Variants in PRKCSH observed in about 807,000 individuals in gnomAD.
PRKCSH encodes the protein glucosidase 2 subunit beta.
A neutral mutation model predicts 79.7 loss-of-function variants in PRKCSH; 42 were observed. The ratio of observed to expected loss-of-function variants is 0.53; its 90% CI spans 0.41 to 0.68. The LOEUF (loss-of-function observed/expected upper bound fraction) is 0.68, where lower values mean the gene tolerates loss of function less well. Among genes scored for constraint, PRKCSH ranks in the 30% least tolerant of loss-of-function variants. The pLI, the probability that PRKCSH is intolerant of heterozygous loss-of-function variation, is 0.00. For missense variants in PRKCSH, 686 were observed against 709.0 expected (o/e 0.97, Z 0.37); for synonymous variants, 325 against 288.2 (o/e 1.13, Z -1.29).
rs756917757 is a variant in PRKCSH, at chr19:11,448,248, G to A, written c.1153G>A (p.Glu385Lys). 1.6e-5 allele frequency: 25 copies of A among 1,565,942 alleles called. No homozygotes were observed. The highest frequency in any genetic ancestry group is 1.9e-5 in the Non-Finnish European group (22 of 1,154,998). ...DAAQEARNKF[E>K]EAERSLKDME... ...TGCCCAGGAGGCCCGCAACAAGTTCGAGGAGGCCGAGCGGTCGCTGAAGGA... is the reference window on the plus strand; with the variant it reads ...TGCCCAGGAGGCCCGCAACAAGTTCAAGGAGGCCGAGCGGTCGCTGAAGGA... Residue 385 changes from glutamate to lysine, a missense_variant, in exon 13 of 18, where the codon GAG becomes AAG. Around this residue, in one of 2 missense-constraint regions of PRKCSH, gnomAD observed 549 missense variants for 520.2 expected, o/e 1.06. Coordinates refer to ENST00000677123, the MANE Select transcript of PRKCSH (RefSeq NM_001289104.2). This position sits in a 1 kb window ranked among gnomAD's most constrained non-coding sequence, Gnocchi z 4.4.
chr19:11,441,241 G>T lies in PRKCSH; in HGVS notation c.352G>T (p.Glu118Ter), dbSNP rs1328938713. ...TGCCTGTGTGTCTCCGCACCGCAGA[G>T]AGAAGGGCCGTAAGGAGAGAGAGTC... ...SGVICENTCK[E>*]KGRKERESLQ... Residue 118 changes from glutamate (E) to a stop codon, truncating the protein, a stop_gained and splice_region_variant, in exon 6 of 18, where the codon GAG (glutamate) becomes TAG (stop). Transcript: ENST00000677123. LOFTEE classifies it high-confidence loss of function. The T allele has an allele frequency of 1.2e-6, 2 of 1,614,036 alleles. No homozygotes were observed. The highest frequency in any genetic ancestry group is 2.2e-5 in the South Asian group (2 of 91,064).
chr19:11,447,899 A>G lies in PRKCSH; in HGVS notation c.1126+110A>G, dbSNP rs1409579491. ...TAGACCCTGCTCTGACTCGGCCAGC[A>G]CAAGCCCCAGTATCTTGGGGAGTCC... is the stretch of plus-strand genomic sequence containing the variant. On this transcript the variant is annotated intron_variant, in intron 12 of 17. Transcript: ENST00000677123. This position sits in a 1 kb window ranked among gnomAD's most constrained non-coding sequence, Gnocchi z 5.6. The G allele has an allele frequency of 1.6e-6, 2 of 1,284,326 alleles. No individual in the cohort carries two copies. Among genetic ancestry groups the G allele is most frequent in the Non-Finnish European group, 2.1e-6 (2 of 943,518 alleles). The allele number at this position is 1,284,326 out of a possible 1,614,324, so 79.6% of individuals were successfully genotyped here.
In PRKCSH at chr19:11,448,354, A is replaced by T; in HGVS notation, c.1196+63A>T. ...GCGACTGCTCCTTGACTCCCAGGGG[A>T]GCTGGTGATGGGGAATCACTGAGGC... On this transcript the variant is annotated intron_variant, in intron 13 of 17. Transcript: ENST00000677123. The surrounding 1 kb of genome is among the most constrained non-coding windows in gnomAD (Gnocchi z 4.4). 1 of 1,543,090 alleles carries T rather than the reference A, an allele frequency of 6.5e-7. No homozygotes were observed. The highest frequency in any genetic ancestry group is 8.8e-7 in the Non-Finnish European group (1 of 1,138,028).
At chr19:11,440,877 C>T (rs191423403) in intron 5 of PRKCSH, among the ~76,000 whole-genome samples, 56 of 152,264 alleles carry the variant, frequency 3.7e-4, no homozygotes, top group African/African-American at 1.3e-3. Context: ...GTTGCCCAGG[C>T]TGGTTGCGAA....
chr19:11,448,768 A>G lies in PRKCSH; in HGVS notation c.1286+139A>G, dbSNP rs1970446302. On this transcript the variant is annotated intron_variant, in intron 14 of 17. Transcript: ENST00000677123. This position sits in a 1 kb window ranked among gnomAD's most constrained non-coding sequence, Gnocchi z 4.4. ...AGTGCTGCCTTCCATATTGAGGGGGAGCAGAAGCCAGGGGCCAGGTTTAGG... is the reference window on the plus strand; with the variant it reads ...AGTGCTGCCTTCCATATTGAGGGGGGGCAGAAGCCAGGGGCCAGGTTTAGG... The G allele has an allele frequency of 3.8e-6, 5 of 1,307,940 alleles. No homozygotes were observed. In the Admixed American group the frequency reaches 5.2e-5, roughly 14 times the overall value. 81.0% of individuals were successfully genotyped at this position (1,307,940 alleles called of 1,614,324 possible).
rs1970358640 is a variant in PRKCSH at position 11,447,381 on chromosome 19, C to T, written c.850-58C>T. On this transcript the variant is annotated intron_variant, in intron 10 of 17. Coordinates refer to ENST00000677123, the MANE Select transcript of PRKCSH (RefSeq NM_001289104.2). This position sits in a 1 kb window ranked among gnomAD's most constrained non-coding sequence, Gnocchi z 5.6. ...GCTGCCCCTTGGGCTGTGGTGTGAG[C>T]CTGAGGGTGTGGGTGGACCCTGAGT... 3 of 1,572,474 alleles carry T rather than the reference C, an allele frequency of 1.9e-6. No individual in the cohort carries two copies. The highest frequency in any genetic ancestry group is 2.2e-5 in the East Asian group (1 of 44,466).
In PRKCSH at chr19:11,436,034, C is replaced by T. The variant is rs1969708986; in HGVS notation, c.-77-7C>T. 1.3e-6 allele frequency: 2 copies of T among 1,561,786 alleles called. No individual in the cohort carries two copies. Among genetic ancestry groups the T allele is most frequent in the African/African-American group, 2.7e-5 (2 of 74,124 alleles). ...CCCACTGACCGGGATCCGCTTTCTT[C>T]CTGCAGCGTGAAGACACAGCGCATC... is the stretch of plus-strand genomic sequence containing the variant. On this transcript the variant is annotated splice_region_variant and splice_polypyrimidine_tract_variant and intron_variant, in intron 1 of 17. Transcript: ENST00000677123.
rs1970392293 is a variant in PRKCSH, at chr19:11,447,808, C to G, written c.1126+19C>G. 6.5e-7 allele frequency: 1 copy of G among 1,547,122 alleles called. No individual in the cohort carries two copies. Among genetic ancestry groups the G allele is most frequent in the Non-Finnish European group, 8.7e-7 (1 of 1,146,426 alleles). Reference sequence around the variant, plus strand: ...ATCGATGGTGAGGGTGGGCGGGGGCCAGGCTCCTCGGGTGGGCCCAGCGTT... The same window carrying G: ...ATCGATGGTGAGGGTGGGCGGGGGCGAGGCTCCTCGGGTGGGCCCAGCGTT... On this transcript the variant is annotated intron_variant, in intron 12 of 17. Transcript: ENST00000677123. This position sits in a 1 kb window ranked among gnomAD's most constrained non-coding sequence, Gnocchi z 5.6.
intron 1 of PRKCSH, 142 bp from the exon 2 acceptor site, chr19:11,435,899 A>T (rs1034045130): frequency 4.3e-6 from 4 of 934,546 alleles, no homozygotes; most frequent in Non-Finnish European, 4.8e-6. Context: ...GCAAAGTGAG[A>T]CTGGCCAGGA....
At chr19:11,436,943 G>C (rs1969783183) in intron 3 of PRKCSH, among the ~76,000 whole-genome samples, 1 of 152,146 alleles carries the variant, frequency 6.6e-6, no homozygotes, top group African/African-American at 2.4e-5. Flanking sequence ...CTGCAGCCTG[G>C]AACTCTTGGG....
At chr19:11,439,486 G>A (rs1568362636) in intron 5 of PRKCSH, among the ~76,000 whole-genome samples, 1 of 151,508 alleles carries the variant, frequency 6.6e-6, no homozygotes. Context: ...TTGGGCATGT[G>A]GCTCACACCT....
At position 11,441,258 on chromosome 19, in the gene PRKCSH, G is replaced by A. The variant is rs949805336; in HGVS notation, c.369G>A (p.Glu123=). The A allele has an allele frequency of 1.1e-5, 18 of 1,613,992 alleles. No homozygotes were observed. Among genetic ancestry groups the A allele is most frequent in the Non-Finnish European group, 1.4e-5 (17 of 1,179,984 alleles). ...ENTCKEKGRK[E]RESLQQMAEV... is the part of the protein sequence containing the mutation. ...ACCGCAGAGAGAAGGGCCGTAAGGAGAGAGAGTCCCTGCAGCAGATGGCCG... is the reference window on the plus strand; with the variant it reads ...ACCGCAGAGAGAAGGGCCGTAAGGAAAGAGAGTCCCTGCAGCAGATGGCCG... Residue 123 remains glutamate, a synonymous_variant, in exon 6 of 18, where the codon GAG becomes GAA. Transcript: ENST00000677123.
rs769864812 is a variant in PRKCSH, at chr19:11,437,882, C to T, written c.203C>T (p.Ala68Val). ...CKDGSDEPGT[A>V]ACPNGSFHCT... is the part of the protein sequence containing the mutation. Reference sequence around the variant, plus strand: ...CCTCCCTTCTTCCTCACAGGCACGGCTGCCTGTCCTAATGGCAGCTTCCAC... The same window carrying T: ...CCTCCCTTCTTCCTCACAGGCACGGTTGCCTGTCCTAATGGCAGCTTCCAC... Residue 68 changes from alanine to valine, a missense_variant, in exon 4 of 18, where the codon GCT (alanine) becomes GTT (valine). This residue lies in a region of PRKCSH where 549 missense variants were observed against 520.2 expected (regional missense o/e 1.06). Transcript: ENST00000677123. 2 of 1,613,944 alleles carry T rather than the reference C, an allele frequency of 1.2e-6. No individual in the cohort carries two copies. The highest frequency in any genetic ancestry group is 1.3e-5 in the African/African-American group (1 of 74,922).
At position 11,448,114 on chromosome 19, in the gene PRKCSH, C is replaced by A; in HGVS notation, c.1127-108C>A. 8.0e-7 allele frequency: 1 copy of A among 1,242,590 alleles called. No individual in the cohort carries two copies. The highest frequency in any genetic ancestry group is 1.2e-6 in the Non-Finnish European group (1 of 867,370). The allele number at this position is 1,242,590 out of a possible 1,614,324, so 77.0% of individuals were successfully genotyped here. A position where few individuals can be genotyped will look rare whatever the true frequency, so the allele number is the denominator to read the frequency against. On this transcript the variant is annotated intron_variant, in intron 12 of 17. Coordinates refer to ENST00000677123, the MANE Select transcript of PRKCSH (RefSeq NM_001289104.2). The surrounding 1 kb of genome is among the most constrained non-coding windows in gnomAD (Gnocchi z 4.4). The stretch of plus-strand genomic sequence containing the variant: ...AAGGCTGTCGGGGTGAAGTCCTTGG[C>A]CAGAGCAAAATGAGGGTATGGGAGC...
At chr19:11,441,468 G>C in intron 6 of PRKCSH, 111 bp downstream of exon 6, 1 of 994,158 alleles carries the variant, frequency 1.0e-6, no homozygotes, top group Non-Finnish European at 1.6e-6. Context: ...TGGGGCAAGT[G>C]ACTGCCTTTC....
chr19:11,447,017 GC>G lies in PRKCSH; in HGVS notation c.763-55del, dbSNP rs1210500447. On this transcript the variant is annotated intron_variant, in intron 9 of 17. Coordinates refer to ENST00000677123, the MANE Select transcript of PRKCSH (RefSeq NM_001289104.2). The surrounding 1 kb of genome is among the most constrained non-coding windows in gnomAD (Gnocchi z 5.6). ...GCACCGCAGCCCGGGTGCCGGGGTG[GC>G]CGAGATGGGGGACACGTGGTGGCCT... 1 of 1,579,092 alleles carries G rather than the reference GC, an allele frequency of 6.3e-7. No individual in the cohort carries two copies. The highest frequency in any genetic ancestry group is 2.2e-5 in the East Asian group (1 of 44,632).
intron 5 of PRKCSH, 85 bp downstream of exon 5, chr19:11,438,209 C>T: frequency 2.1e-6 from 3 of 1,432,246 alleles, no homozygotes; most frequent in Non-Finnish European, 2.0e-6. Flanking sequence ...ACTCTCTCTT[C>T]TGCTTTTCTG....
chr19:11,441,124 T>C, intron 5 of PRKCSH, 116 bp from the exon 6 acceptor site: 1 of 1,014,122 alleles, frequency 9.9e-7, no homozygotes, highest in Non-Finnish European at 1.6e-6. Flanking sequence ...CTTGCTCTCA[T>C]CTTTCCCAGC....
intron 3 of PRKCSH, among the ~76,000 whole-genome samples, chr19:11,437,345 GTTTTGT>G (rs1969816281): frequency 6.9e-6 from 1 of 144,500 alleles, no homozygotes; most frequent in Non-Finnish European, 1.5e-5. Flanking sequence ...GCCTTGTTTT[GTTTTGT>G]TTTTAATTTT....
Sources: allele counts gnomAD v4.1 joint callset (sites outside exome capture counted in the v4.1 genomes callset), GRCh38; gene constraint gnomAD v4.1.1; regional missense constraint gnomAD v4.1.1; non-coding constraint Gnocchi (gnomAD v3.1); transcripts MANE v1.5; gene names NCBI Gene and HGNC (gene_info 2026-07-23, HGNC 2026-07-21).